Variants in SLCO5A1 observed in about 807,000 individuals in gnomAD.
The protein encoded by SLCO5A1 is organic anion transporter polypeptide-related protein 4.
Under a neutral mutation model 65.1 loss-of-function variants are expected in SLCO5A1, and 39 were observed. The ratio of observed to expected loss-of-function variants is 0.60; its 90% CI spans 0.46 to 0.78. The LOEUF is 0.78. Ranked by LOEUF, SLCO5A1 falls within the 30% of genes least tolerant of loss-of-function variation. The probability of loss-of-function intolerance (pLI) is 0.00; values close to 1 mark genes in which losing one functional copy is unlikely to be tolerated. For missense variants in SLCO5A1, 1,029 were observed against 1,069.4 expected (o/e 0.96, Z 0.53); for synonymous variants, 438 against 415.7 (o/e 1.05, Z -0.65).
In SLCO5A1 at chr8:69,832,127, C is replaced by T. The variant is rs758441472; in HGVS notation, c.547G>A (p.Val183Met). ...CFDIGNLVVV[V>M]FVSYFGGRGR... ...CGGCCGCCGAAGTAGCTGACGAACA[C>T]CACCACCACCAGGTTCCCGATGTCA... Residue 183 changes from valine (V) to methionine (M), a missense_variant, in exon 2 of 10, where the codon GTG becomes ATG. This residue lies in a region of SLCO5A1 where 647 missense variants were observed against 647.5 expected (regional missense o/e 1.00). Transcript: ENST00000260126. This position sits in a 1 kb window ranked among gnomAD's most constrained non-coding sequence, Gnocchi z 4.5. 7 of 1,613,852 alleles carry T rather than the reference C, an allele frequency of 4.3e-6. No homozygotes were observed. The Admixed American group carries it at 8.3e-5, about 19-fold the overall frequency.
chr8:69,753,543 T>C (rs1817413308), intron 4 of SLCO5A1, among the ~76,000 whole-genome samples: 1 of 152,198 alleles, frequency 6.6e-6, no homozygotes. Context: ...TCAGCAACAG[T>C]TGTATCTGCT....
intron 2 of SLCO5A1, among the ~76,000 whole-genome samples, chr8:69,765,307 A>G (rs1268799643): frequency 6.6e-6 from 1 of 152,020 alleles, no homozygotes; most frequent in African/African-American, 2.4e-5. Flanking sequence ...GCAATTATAT[A>G]TGTATACATG....
intron 2 of SLCO5A1, among the ~76,000 whole-genome samples, chr8:69,762,119 T>TTTCTTTCC: frequency 2.1e-4 from 1 of 4,712 alleles, no homozygotes; most frequent in East Asian, 0.013. Context: ...TTTGTTTTGT[T>TTTCTTTCC]TTCTTTCTTT....
chr8:69,704,149 C>T (rs977345622), intron 6 of SLCO5A1, among the ~76,000 whole-genome samples: 4 of 152,166 alleles, frequency 2.6e-5, no homozygotes, highest in African/African-American at 9.7e-5. Context: ...TATTCTCCTG[C>T]GTCAGCCTCC....
At chr8:69,815,482 T>C (rs928046704) in intron 2 of SLCO5A1, among the ~76,000 whole-genome samples, 2 of 152,164 alleles carry the variant, frequency 1.3e-5, no homozygotes, top group African/African-American at 2.4e-5. Flanking sequence ...CTAGGTCTTA[T>C]AACTCCTCAT....
At chr8:69,834,735 T>TACACACACACACACACACACAC (rs57972006) in intron 1 of SLCO5A1, 119 bp downstream of exon 1, 2 of 139,134 alleles carry the variant, frequency 1.4e-5, no homozygotes, top group Non-Finnish European at 1.6e-5. Context: ...ACGCACATCC[T>TACACACACACACACACACACAC]ACACACACAC....
intron 5 of SLCO5A1, among the ~76,000 whole-genome samples, chr8:69,728,700 ATACAAAC>A (rs1286224735): frequency 1.3e-5 from 2 of 152,208 alleles, no homozygotes; most frequent in African/African-American, 4.8e-5. Flanking sequence ...TTATACATAC[ATACAAAC>A]ACACACACAC....
intron 2 of SLCO5A1, among the ~76,000 whole-genome samples, chr8:69,809,865 C>G (rs1004142132): frequency 6.6e-6 from 1 of 151,868 alleles, no homozygotes; most frequent in Non-Finnish European, 1.5e-5. Context: ...AGATCGGTAG[C>G]ATCATTTGCA....
At chr8:69,780,043 GA>G (rs60982403) in intron 2 of SLCO5A1, among the ~76,000 whole-genome samples, 18,083 of 151,976 alleles carry the variant, frequency 0.12, 1,141 homozygotes, top group African/African-American at 0.14. Context: ...ACAGGCATAT[GA>G]AAAAAATGCT....
intron 2 of SLCO5A1, chr8:69,794,346 T>G (rs1026542414): frequency 3.7e-5 from 16 of 437,678 alleles, no homozygotes; most frequent in Non-Finnish European, 1.8e-5. Context: ...GAGTAGACAG[T>G]TCATCATAAC....
intron 2 of SLCO5A1, among the ~76,000 whole-genome samples, chr8:69,828,078 A>G (rs1344304418): frequency 6.6e-6 from 1 of 152,174 alleles, no homozygotes; most frequent in Non-Finnish European, 1.5e-5. Flanking sequence ...ACTCTCTGAG[A>G]CTGTTTCCTC....
chr8:69,781,016 A>G (rs1818770381), intron 2 of SLCO5A1, among the ~76,000 whole-genome samples: 1 of 152,220 alleles, frequency 6.6e-6, no homozygotes, highest in Non-Finnish European at 1.5e-5. Context: ...GGAAATGTAC[A>G]TTATCTGGAA....
intron 6 of SLCO5A1, among the ~76,000 whole-genome samples, chr8:69,688,128 T>C (rs978635824): frequency 6.6e-6 from 1 of 152,028 alleles, no homozygotes; most frequent in African/African-American, 2.4e-5. Flanking sequence ...ACAAACATTG[T>C]GTCTCCAAAT....
chr8:69,682,385 A>G (rs1449360382), intron 6 of SLCO5A1, 42 bp from the exon 7 acceptor site: 1 of 1,457,286 alleles, frequency 6.9e-7, no homozygotes, highest in Admixed American at 2.7e-5. Context: ...CACTTACCAA[A>G]ATAAAACTCA....
In SLCO5A1 at chr8:69,669,726, G is replaced by T. The variant is rs1312309693; in HGVS notation, c.*3143C>A. 6.6e-6 allele frequency: 1 copy of T among 151,732 alleles called. No individual in the cohort carries two copies. Among genetic ancestry groups the T allele is most frequent in the Non-Finnish European group, 1.5e-5 (1 of 68,012 alleles). The allele number at this position is 151,732 out of a possible 1,614,324, so 9.4% of individuals were successfully genotyped here. A position where few individuals can be genotyped will look rare whatever the true frequency, so the allele number is the denominator to read the frequency against. ...AGTTCCTCAGGAGACTGAAACAGGA[G>T]AATCACTTGAACCCAGGAAGCGGAG... On this transcript the variant is annotated 3_prime_UTR_variant, in exon 10 of 10. Transcript: ENST00000260126.
chr8:69,830,447 C>G (rs745423345), intron 2 of SLCO5A1, among the ~76,000 whole-genome samples: 20 of 152,138 alleles, frequency 1.3e-4, no homozygotes, highest in Non-Finnish European at 2.4e-4. Context: ...CCTGCCTCAG[C>G]CTCCCGAGTA....
intron 8 of SLCO5A1, among the ~76,000 whole-genome samples, chr8:69,676,884 T>G (rs1169437943): frequency 6.6e-6 from 1 of 152,204 alleles, no homozygotes; most frequent in Admixed American, 6.5e-5. Context: ...AAAGAAACTC[T>G]GACTATCTCT....
chr8:69,800,922 G>A (rs936131138), intron 2 of SLCO5A1, among the ~76,000 whole-genome samples: 5 of 152,164 alleles, frequency 3.3e-5, no homozygotes, highest in African/African-American at 7.2e-5. Flanking sequence ...CCCATCCAAC[G>A]CCAAAGGTGC....
chr8:69,680,731 T>C (rs1401202769), intron 7 of SLCO5A1, among the ~76,000 whole-genome samples: 1 of 152,222 alleles, frequency 6.6e-6, no homozygotes, highest in African/African-American at 2.4e-5. Context: ...TCTAAGTTAA[T>C]ATACATTCTG....
Sources: gnomAD v4.1 joint callset for allele counts (sites outside exome capture counted in the v4.1 genomes callset) on GRCh38, gnomAD v4.1.1 for gene constraint, gnomAD v4.1.1 regional missense constraint, Gnocchi (gnomAD v3.1) non-coding constraint, MANE v1.5 for transcripts, NCBI Gene and HGNC (gene_info 2026-07-23, HGNC 2026-07-21) for gene names.